The following ZNG1E variants were observed in gnomAD, a reference collection of about 807,000 sequenced individuals.
ZNG1E encodes the protein zinc-regulated GTPase metalloprotein activator 1E.
chr9:65,693,428 C>A, the ZNG1E span: 2 of 1,284,704 alleles, frequency 1.6e-6, no homozygotes, highest in African/African-American at 3.0e-5. Flanking sequence ...ATCATCCCAC[C>A]CACTGACCCG....
the ZNG1E span, among the ~76,000 whole-genome samples, chr9:65,686,899 T>C: frequency 6.6e-6 from 1 of 152,252 alleles, no homozygotes; most frequent in Non-Finnish European, 1.5e-5. Flanking sequence ...TGCTCTGAAT[T>C]AGGCTTTGGC....
chr9:65,657,816 T>A, the ZNG1E span, among the ~76,000 whole-genome samples: 1 of 152,288 alleles, frequency 6.6e-6, no homozygotes, highest in Non-Finnish European at 1.5e-5. Flanking sequence ...TGCATTAAAA[T>A]GCCTGCCGGG....
At chr9:65,719,795 A>T in the ZNG1E span, 26 of 495,810 alleles carry the variant, frequency 5.2e-5, no homozygotes, top group African/African-American at 5.6e-4. Flanking sequence ...TTGCTAAAAG[A>T]CTAGTTTTTC....
chr9:65,681,203 T>C, the ZNG1E span, among the ~76,000 whole-genome samples: 1 of 152,072 alleles, frequency 6.6e-6, no homozygotes, highest in Non-Finnish European at 1.5e-5. Flanking sequence ...AGGCAGTCTC[T>C]TAAGAGGTTG....
At chr9:65,683,821 G>A in the ZNG1E span, among the ~76,000 whole-genome samples, 1 of 152,282 alleles carries the variant, frequency 6.6e-6, no homozygotes. Context: ...TAGTAAGCAT[G>A]GGTTTTCATA....
the ZNG1E span, among the ~76,000 whole-genome samples, chr9:65,716,663 G>GC: frequency 9.8e-6 from 1 of 101,854 alleles, no homozygotes; most frequent in African/African-American, 3.1e-5. Flanking sequence ...CATGTAGTTT[G>GC]TAAAAAAAAA....
chr9:65,678,403 G>A, the ZNG1E span, among the ~76,000 whole-genome samples: 3 of 139,468 alleles, frequency 2.2e-5, no homozygotes, highest in African/African-American at 5.6e-5. Context: ...CTAATACTCC[G>A]TAAAATCTTC....
chr9:65,677,630 G>C, the ZNG1E span, among the ~76,000 whole-genome samples: 1 of 152,266 alleles, frequency 6.6e-6, no homozygotes, highest in South Asian at 2.1e-4. Flanking sequence ...TTCGTTGCAT[G>C]TTAGCCTTAA....
At chr9:65,664,317 T>C in the ZNG1E span, among the ~76,000 whole-genome samples, 2 of 150,416 alleles carry the variant, frequency 1.3e-5, no homozygotes, top group African/African-American at 2.5e-5. Context: ...TTCCCATGTG[T>C]TGTGGGGGGA....
At chr9:65,671,592 T>A in the ZNG1E span, among the ~76,000 whole-genome samples, 14 of 152,350 alleles carry the variant, frequency 9.2e-5, no homozygotes, top group African/African-American at 3.4e-4. Context: ...AGTGCTGGGA[T>A]TACAGGCATG....
the ZNG1E span, among the ~76,000 whole-genome samples, chr9:65,710,087 C>T: frequency 6.9e-6 from 1 of 145,954 alleles, no homozygotes; most frequent in East Asian, 1.9e-4. Flanking sequence ...TTTTGATGTG[C>T]ATTTCTCTGA....
chr9:65,699,110 A>T, the ZNG1E span, among the ~76,000 whole-genome samples: 1 of 149,488 alleles, frequency 6.7e-6, no homozygotes, highest in South Asian at 2.1e-4. Context: ...TTTAGTAGAG[A>T]TGGGGTTTCA....
At chr9:65,664,470 G>T in the ZNG1E span, among the ~76,000 whole-genome samples, 4 of 107,390 alleles carry the variant, frequency 3.7e-5, no homozygotes, top group African/African-American at 1.2e-4. Context: ...TTCCATGTGA[G>T]ATGTGCCTTT....
the ZNG1E span, among the ~76,000 whole-genome samples, chr9:65,668,453 T>C: frequency 6.7e-6 from 1 of 150,320 alleles, no homozygotes; most frequent in Non-Finnish European, 1.5e-5. Context: ...ATAGTTATAA[T>C]ACATTCAGGT....
At chr9:65,693,848 C>G in the ZNG1E span, among the ~76,000 whole-genome samples, 1 of 150,940 alleles carries the variant, frequency 6.6e-6, no homozygotes, top group Admixed American at 6.6e-5. Flanking sequence ...TGAGCCACCA[C>G]GCCCGGCCTG....
chr9:65,664,978 C>A, the ZNG1E span, among the ~76,000 whole-genome samples: 1 of 152,254 alleles, frequency 6.6e-6, no homozygotes, highest in African/African-American at 2.4e-5. Context: ...GAAGAAATTT[C>A]TAAGCAGCAA....
At chr9:65,714,760 G>C in the ZNG1E span, among the ~76,000 whole-genome samples, 2 of 151,506 alleles carry the variant, frequency 1.3e-5, no homozygotes, top group Non-Finnish European at 2.9e-5. Context: ...CCCGTTCTCA[G>C]ATCTCCAGCT....
chr9:65,665,260 A>G, the ZNG1E span, among the ~76,000 whole-genome samples: 3 of 152,278 alleles, frequency 2.0e-5, no homozygotes, highest in Admixed American at 1.3e-4. Flanking sequence ...AGGAGGAAAA[A>G]GTGGTTTCGT....
chr9:65,663,042 C>T, the ZNG1E span, among the ~76,000 whole-genome samples: 17 of 152,242 alleles, frequency 1.1e-4, no homozygotes, highest in African/African-American at 1.2e-4. Flanking sequence ...AGAAGTACAA[C>T]GAACAAAGGA....
Sources: gnomAD v4.1 joint callset for allele counts (sites outside exome capture counted in the v4.1 genomes callset) on GRCh38, gnomAD v4.1.1 for gene constraint, MANE v1.5 for transcripts, NCBI Gene and HGNC (gene_info 2026-07-23, HGNC 2026-07-21) for gene names.